RAPGEF2: variants seen among roughly 807,000 people sequenced by gnomAD.
RAPGEF2 encodes the protein PDZ domain containing guanine nucleotide exchange factor (GEF) 1.
Under a neutral mutation model 186.7 loss-of-function variants are expected in RAPGEF2, and 54 were observed. That is an observed-to-expected ratio of 0.29 (90% CI 0.23 to 0.36). The LOEUF is 0.36. Ranked by LOEUF, RAPGEF2 falls within the 10% of genes least tolerant of loss-of-function variation. RAPGEF2 has a pLI of 1.00. For missense variants in RAPGEF2, 1,532 were observed against 2,045.0 expected (o/e 0.75, Z 4.84); for synonymous variants, 712 against 705.9 (o/e 1.01, Z -0.14).
intron 28 of RAPGEF2, 122 bp downstream of exon 28, chr4:159,354,168 C>A: frequency 2.7e-6 from 3 of 1,092,092 alleles, no homozygotes; most frequent in Non-Finnish European, 3.8e-6. Context: ...CTATGTAGGA[C>A]TTCCAAATTA....
rs1474188761 is a variant in RAPGEF2 at position 159,241,027 on chromosome 4, A to G, written c.358-174A>G. 6 of 487,960 alleles carry G rather than the reference A, an allele frequency of 1.2e-5. No individual in the cohort carries two copies. The East Asian group carries it at 1.6e-4, about 13-fold the overall frequency. The allele number at this position is 487,960 out of a possible 1,614,324, so 30.2% of individuals were successfully genotyped here. A position where few individuals can be genotyped will look rare whatever the true frequency, so the allele number is the denominator to read the frequency against. On this transcript the variant is annotated intron_variant, in intron 5 of 29. Coordinates refer to ENST00000691494, the MANE Select transcript of RAPGEF2 (RefSeq NM_001394067.2). ...CTCCTCATAAAAGAAATGTTACTCAAAACCAGTTAGTTCCAGAGAAGTTCA... is the reference window on the plus strand; with the variant it reads ...CTCCTCATAAAAGAAATGTTACTCAGAACCAGTTAGTTCCAGAGAAGTTCA...
At chr4:159,261,241 T>A (rs1234792571) in intron 7 of RAPGEF2, among the ~76,000 whole-genome samples, 1 of 151,884 alleles carries the variant, frequency 6.6e-6, no homozygotes, top group Admixed American at 6.6e-5. Context: ...TTTTTGTATT[T>A]TTAGTAGAGA....
intron 7 of RAPGEF2, among the ~76,000 whole-genome samples, chr4:159,285,816 CATT>C (rs1425304957): frequency 6.6e-6 from 1 of 152,110 alleles, no homozygotes; most frequent in Non-Finnish European, 1.5e-5. Flanking sequence ...TCTTGATCAT[CATT>C]GTTGTACTTG....
At chr4:159,138,712 T>C (rs1279409136) in intron 1 of RAPGEF2, among the ~76,000 whole-genome samples, 2 of 152,132 alleles carry the variant, frequency 1.3e-5, no homozygotes, top group Non-Finnish European at 2.9e-5. Context: ...ATATATTGAG[T>C]TTGGGTGATT....
chr4:159,181,636 G>A (rs1443322336), intron 1 of RAPGEF2, among the ~76,000 whole-genome samples: 3 of 145,906 alleles, frequency 2.1e-5, no homozygotes, highest in Non-Finnish European at 4.5e-5. Context: ...GGAGTGCAGT[G>A]GCACAATCTC....
At chr4:159,165,716 T>C (rs1745236288) in intron 1 of RAPGEF2, among the ~76,000 whole-genome samples, 1 of 152,060 alleles carries the variant, frequency 6.6e-6, no homozygotes, top group African/African-American at 2.4e-5. Context: ...TTCAGCCTCT[T>C]GAGTAGGGAA....
chr4:159,132,620 T>C (rs1358470156), intron 1 of RAPGEF2, among the ~76,000 whole-genome samples: 4 of 152,228 alleles, frequency 2.6e-5, no homozygotes, highest in East Asian at 3.8e-4. Context: ...GCCTCCTTTT[T>C]CTAAATTATA....
intron 4 of RAPGEF2, among the ~76,000 whole-genome samples, chr4:159,236,294 A>G (rs1438571128): frequency 2.6e-5 from 4 of 152,188 alleles, no homozygotes; most frequent in African/African-American, 9.7e-5. Context: ...ATTTTAGGAA[A>G]TGTAAACTTT....
At chr4:159,119,199 C>T (rs968380782) in intron 1 of RAPGEF2, among the ~76,000 whole-genome samples, 7 of 151,994 alleles carry the variant, frequency 4.6e-5, no homozygotes, top group Non-Finnish European at 8.8e-5. Flanking sequence ...TTGGTGCAGA[C>T]GCTCAAGGAT....
At chr4:159,293,297 A>T (rs1259149073) in intron 7 of RAPGEF2, among the ~76,000 whole-genome samples, 1 of 152,152 alleles carries the variant, frequency 6.6e-6, no homozygotes, top group African/African-American at 2.4e-5. Context: ...TCTTTGCTGG[A>T]TGCAGTACTT....
chr4:159,228,956 C>T (rs1439515954), intron 4 of RAPGEF2, among the ~76,000 whole-genome samples: 2 of 152,058 alleles, frequency 1.3e-5, no homozygotes, highest in Non-Finnish European at 2.9e-5. Flanking sequence ...GCTTTTCCTC[C>T]CTAATTTAAT....
intron 7 of RAPGEF2, among the ~76,000 whole-genome samples, chr4:159,271,166 A>G (rs1373532012): frequency 6.6e-6 from 1 of 152,094 alleles, no homozygotes; most frequent in East Asian, 1.9e-4. Context: ...TTTAAAGTGG[A>G]GCTCTTCTCT....
At chr4:159,125,291 A>G (rs1740164423) in intron 1 of RAPGEF2, among the ~76,000 whole-genome samples, 1 of 152,212 alleles carries the variant, frequency 6.6e-6, no homozygotes, top group Non-Finnish European at 1.5e-5. Flanking sequence ...GATTGTAGGT[A>G]TATCAACCTT....
intron 8 of RAPGEF2, among the ~76,000 whole-genome samples, chr4:159,309,014 C>G (rs1327181548): frequency 6.6e-6 from 1 of 152,146 alleles, no homozygotes; most frequent in African/African-American, 2.4e-5. Flanking sequence ...TCCCTCTGCT[C>G]TGTTAAGTAG....
At chr4:159,347,135 T>C (rs750546370) in intron 25 of RAPGEF2, 137 bp downstream of exon 25, 3 of 835,376 alleles carry the variant, frequency 3.6e-6, no homozygotes, top group Non-Finnish European at 5.5e-6. Flanking sequence ...TAATAAAACA[T>C]GAACACTCAG....
At chr4:159,146,032 CTT>C in intron 1 of RAPGEF2, among the ~76,000 whole-genome samples, 1 of 150,120 alleles carries the variant, frequency 6.7e-6, no homozygotes, top group South Asian at 2.1e-4. Context: ...GTAACAGTAT[CTT>C]TTTTTTTTCT....
At chr4:159,323,642 T>C in intron 11 of RAPGEF2, 25 bp downstream of exon 11, 1 of 1,336,176 alleles carries the variant, frequency 7.5e-7, no homozygotes, top group Middle Eastern at 2.1e-4. Context: ...ATTAAAAATA[T>C]ATATTTTATT....
chr4:159,186,476 T>C (rs1376310916), intron 1 of RAPGEF2, among the ~76,000 whole-genome samples, 166 bp from the exon 2 acceptor site: 2 of 152,090 alleles, frequency 1.3e-5, no homozygotes. Context: ...GGATGACATT[T>C]GTACAACTGA....
At chr4:159,316,396 T>G (rs563451356) in intron 9 of RAPGEF2, among the ~76,000 whole-genome samples, 49 of 152,304 alleles carry the variant, frequency 3.2e-4, no homozygotes, top group Non-Finnish European at 6.0e-4. Context: ...CTCGGTCTCT[T>G]GCCTCGGCAC....
Sources: allele counts gnomAD v4.1 joint callset (sites outside exome capture counted in the v4.1 genomes callset), GRCh38; gene constraint gnomAD v4.1.1; transcripts MANE v1.5; gene names NCBI Gene and HGNC (gene_info 2026-07-23, HGNC 2026-07-21).